LARGE1: variants seen among roughly 807,000 people sequenced by gnomAD.
LARGE1 encodes xylosyl- and glucuronyltransferase LARGE1.
A neutral mutation model predicts 87.6 loss-of-function variants in LARGE1; 43 were observed. The observed-to-expected ratio is 0.49, with a 90% confidence interval of 0.38 to 0.63. The LOEUF (loss-of-function observed/expected upper bound fraction) is 0.63. LARGE1 is among the 30% of genes least tolerant of loss of function. The pLI is 0.00. For missense variants in LARGE1, 802 were observed against 1,000.2 expected, an observed-to-expected ratio of 0.80 and a Z score of 2.67; for synonymous variants, 434 against 394.6, an observed-to-expected ratio of 1.10 and a Z score of -1.18.
chr22:33,392,096 T>C lies in LARGE1; in HGVS notation c.893-7792A>G, dbSNP rs2065549118. Among the ~76,000 whole-genome samples the C allele has an allele frequency of 2.7e-5, 4 of 150,840 alleles. No homozygotes were observed. The South Asian group carries it at 8.4e-4, about 32-fold the overall frequency. ...CCACAGGTTATTCCTATAACCAATA[T>C]CCTCACATCCTCAGAGTGACACAGC... On this transcript the variant is annotated intron_variant, in intron 7 of 14. Transcript: ENST00000397394.
At chr22:33,386,714 T>A (rs1033375) in intron 7 of LARGE1, among the ~76,000 whole-genome samples, 35,304 of 146,364 alleles carry the variant, frequency 0.24, 7,205 homozygotes, top group African/African-American at 0.44. Context: ...TTGGGGGGGG[T>A]AGAAAGAAAA....
intron 6 of LARGE1, among the ~76,000 whole-genome samples, chr22:33,521,059 A>G (rs896140877): frequency 1.3e-5 from 2 of 152,234 alleles, no homozygotes; most frequent in African/African-American, 4.8e-5. Flanking sequence ...GTATTTTGGC[A>G]CTGTTGCCTG....
At chr22:33,752,913 G>T (rs972771849) in intron 2 of LARGE1, among the ~76,000 whole-genome samples, 2 of 152,158 alleles carry the variant, frequency 1.3e-5, no homozygotes, top group African/African-American at 4.8e-5. Context: ...GATTTTCTGG[G>T]TAGGCTCAAT....
In LARGE1 at chr22:33,604,513, C is replaced by G; in HGVS notation, c.537G>C (p.Glu179Asp). Residue 179 changes from glutamate (E) to aspartate (D), a missense_variant, in exon 5 of 15, where the codon GAG becomes GAC. Physicochemically the swap from Glu to Asp is conservative, Grantham distance 45. This residue lies in a region of LARGE1 where 625 missense variants were observed against 841.9 expected (regional missense o/e 0.74). Coordinates refer to ENST00000397394, the MANE Select transcript of LARGE1 (RefSeq NM_133642.5). Reference sequence around the variant, plus strand: ...TCTGGAAGAGCGTGGCCAGGATCTGCTCCGCAATGGAGTCAGCAATAAGGT... The same window carrying G: ...TCTGGAAGAGCGTGGCCAGGATCTGGTCCGCAATGGAGTCAGCAATAAGGT... ...HFHLIADSIA[E>D]QILATLFQTW... The G allele has an allele frequency of 1.2e-6, 2 of 1,614,090 alleles. No homozygotes were observed. The highest frequency in any genetic ancestry group is 1.7e-6 in the Non-Finnish European group (2 of 1,179,988).
At chr22:33,747,607 T>C (rs2084138098) in intron 2 of LARGE1, 1 of 152,356 alleles carries the variant, frequency 6.6e-6, no homozygotes, top group Non-Finnish European at 1.5e-5. Context: ...TTTTCTTTGT[T>C]GCACTTATCA....
chr22:33,132,691 G>T, the LARGE1 span, among the ~76,000 whole-genome samples: 11 of 151,494 alleles, frequency 7.3e-5, no homozygotes, highest in Non-Finnish European at 1.5e-5. Context: ...ATTTTTTCTG[G>T]CCTTTCAGCA....
chr22:33,170,701 T>G (rs1922520766), intron 11 of LARGE1, among the ~76,000 whole-genome samples: 2 of 152,224 alleles, frequency 1.3e-5, no homozygotes, highest in South Asian at 2.1e-4. Flanking sequence ...CATGCAGAAC[T>G]GTGAGTCAAT....
intron 6 of LARGE1, among the ~76,000 whole-genome samples, chr22:33,543,785 G>T (rs1317746203): frequency 6.6e-6 from 1 of 152,204 alleles, no homozygotes; most frequent in Non-Finnish European, 1.5e-5. Flanking sequence ...CAGACAAACT[G>T]ACTGTCTAGG....
intron 11 of LARGE1, among the ~76,000 whole-genome samples, chr22:33,198,113 C>T (rs529622045): frequency 3.9e-4 from 59 of 152,116 alleles, no homozygotes; most frequent in African/African-American, 1.3e-3. Context: ...AATGTAAAAG[C>T]AAAAATATGT....
At chr22:33,203,085 C>CTGTGTGTG (rs1226941470) in intron 11 of LARGE1, among the ~76,000 whole-genome samples, 6 of 149,232 alleles carry the variant, frequency 4.0e-5, no homozygotes, top group Middle Eastern at 3.5e-3. Flanking sequence ...CTCTCTCTCT[C>CTGTGTGTG]TCTCTCTCTC....
chr22:33,382,190 T>A, intron 8 of LARGE1, 146 bp from the exon 9 acceptor site: 3 of 989,844 alleles, frequency 3.0e-6, no homozygotes, highest in Non-Finnish European at 4.5e-6. Flanking sequence ...GTGAGGCATC[T>A]CTCTTGCCTG....
the LARGE1 span, among the ~76,000 whole-genome samples, chr22:33,115,223 C>T: frequency 8.5e-5 from 13 of 152,228 alleles, no homozygotes; most frequent in Admixed American, 6.5e-5. Context: ...AAAAATATTC[C>T]AGTTGCAGTC....
At chr22:33,159,935 T>TAA (rs5845068), downstream of LARGE1, among the ~76,000 whole-genome samples, 2,603 of 143,982 alleles carry the variant, frequency 0.018, 22 homozygotes, top group Middle Eastern at 0.05. Context: ...CTATTAGTGG[T>TAA]AAAAAAAAAA....
chr22:33,767,446 T>C (rs2084941985), intron 1 of LARGE1, among the ~76,000 whole-genome samples: 2 of 148,696 alleles, frequency 1.3e-5, no homozygotes, highest in African/African-American at 4.9e-5. Flanking sequence ...TATATGTATA[T>C]ATATAAGCTT....
At chr22:33,721,489 G>A (rs1447255278) in intron 2 of LARGE1, among the ~76,000 whole-genome samples, 5 of 152,130 alleles carry the variant, frequency 3.3e-5, no homozygotes, top group Admixed American at 3.3e-4. Context: ...TAAATGTCTG[G>A]GTGAAATAGG....
intron 7 of LARGE1, among the ~76,000 whole-genome samples, chr22:33,390,682 G>A (rs1403521142): frequency 1.5e-5 from 2 of 134,370 alleles, no homozygotes; most frequent in Admixed American, 1.5e-4. Flanking sequence ...GTCTGCTTTT[G>A]TTGTGTGTTT....
At chr22:33,143,978 CCTTT>C in the LARGE1 span, among the ~76,000 whole-genome samples, 2 of 151,970 alleles carry the variant, frequency 1.3e-5, no homozygotes, top group East Asian at 1.9e-4. Flanking sequence ...TCTGTTTCTG[CCTTT>C]CTTTATCTTG....
intron 6 of LARGE1, among the ~76,000 whole-genome samples, chr22:33,542,790 G>C (rs544278322): frequency 5.1e-4 from 77 of 151,972 alleles, no homozygotes; most frequent in Non-Finnish European, 7.5e-4. Flanking sequence ...AATCATTCAT[G>C]CTTTCTATAG....
intron 9 of LARGE1, among the ~76,000 whole-genome samples, chr22:33,350,919 AAC>A (rs1415011361): frequency 7.2e-5 from 11 of 152,330 alleles, no homozygotes; most frequent in Admixed American, 3.3e-4. Flanking sequence ...ATGAAGGGTC[AAC>A]AGAGTCCTTT....
Sources: gnomAD v4.1 joint callset for allele counts (sites outside exome capture counted in the v4.1 genomes callset) on GRCh38, gnomAD v4.1.1 for gene constraint, gnomAD v4.1.1 regional missense constraint, MANE v1.5 for transcripts, NCBI Gene and HGNC (gene_info 2026-07-23, HGNC 2026-07-21) for gene names.